GTF3C1: variants seen among roughly 807,000 people sequenced by gnomAD.
GTF3C1 encodes the protein general transcription factor IIIC subunit 1, also known as general transcription factor 3C polypeptide 1.
GTF3C1 carries 57 observed loss-of-function variants against 226.7 expected under a neutral mutation model. The ratio of observed to expected loss-of-function variants is 0.25; its 90% confidence interval spans 0.20 to 0.31. GTF3C1 has a LOEUF of 0.31. Among genes scored for constraint, GTF3C1 ranks in the 10% least tolerant of loss-of-function variants. GTF3C1 has a pLI of 1.00. For synonymous variants in GTF3C1, 1,090 were observed against 1,084.8 expected (o/e 1.00, Z -0.09); for missense variants, 2,217 against 2,776.1 (o/e 0.80, Z 4.53).
chr16:27,482,364 T>G, intron 26 of GTF3C1: 2 of 413,074 alleles, frequency 4.8e-6, no homozygotes, highest in Non-Finnish European at 9.8e-6. Flanking sequence ...AGCTGTATAC[T>G]CTCATTAGGT....
At chr16:27,531,065 C>T (rs1344838626) in intron 5 of GTF3C1, among the ~76,000 whole-genome samples, 1 of 152,186 alleles carries the variant, frequency 6.6e-6, no homozygotes, top group African/African-American at 2.4e-5. Context: ...CTGCAACCTC[C>T]ACCTCCCAGG....
At position 27,485,980 on chromosome 16, in the gene GTF3C1, G is replaced by A; in HGVS notation, c.3858+17C>T. The A allele has an allele frequency of 6.4e-7, 1 of 1,572,500 alleles. No individual in the cohort carries two copies. Among genetic ancestry groups the A allele is most frequent in the Middle Eastern group, 1.7e-4 (1 of 5,852 alleles). ...GAGTGAGGGGCAGGCCCACCGCTGG[G>A]CTGGGCTGGTTGGTACCTTGGTGTT... On this transcript the variant is annotated intron_variant, in intron 24 of 36. Transcript: ENST00000356183.
intron 6 of GTF3C1, among the ~76,000 whole-genome samples, chr16:27,513,086 T>C (rs560112017): frequency 6.5e-4 from 99 of 152,330 alleles, no homozygotes; most frequent in African/African-American, 2.2e-3. Context: ...TGAGGGTCAC[T>C]GTTGCCAGGG....
Position 27,511,463 on chromosome 16 carries a change from T to C in GTF3C1, c.1126+286A>G, listed in dbSNP as rs532657734. Among the ~76,000 whole-genome samples the C allele has an allele frequency of 1.2e-4, 18 of 152,328 alleles. No individual in the cohort carries two copies. In the South Asian group the frequency reaches 3.7e-3, roughly 32 times the overall value. ...TAATAAGCTCCCTCTTATATATCTATGTTTATTTTTCCTACTGATTCTGTG... is the reference window on the plus strand; with the variant it reads ...TAATAAGCTCCCTCTTATATATCTACGTTTATTTTTCCTACTGATTCTGTG... On this transcript the variant is annotated intron_variant, in intron 7 of 36. Transcript: ENST00000356183.
rs1293558628 is a variant in GTF3C1, at chr16:27,471,723, C to T, written c.4526+25G>A. The T allele has an allele frequency of 1.3e-6, 2 of 1,593,248 alleles. No individual in the cohort carries two copies. The highest frequency in any genetic ancestry group is 1.3e-5 in the African/African-American group (1 of 74,550). ...CAGGGCGTGGCTCCACCTCGGAGTA[C>T]CCAAGGCTCCTGACAGGTACTCACC... is the stretch of plus-strand genomic sequence containing the variant. On this transcript the variant is annotated intron_variant, in intron 30 of 36. Coordinates refer to ENST00000356183, the MANE Select transcript of GTF3C1 (RefSeq NM_001520.4). This position sits in a 1 kb window ranked among gnomAD's most constrained non-coding sequence, Gnocchi z 5.0.
rs117912066 is a variant in GTF3C1 at position 27,468,099 on chromosome 16, C to T, written c.5074+1192G>A. ...GATGACTTTGAGGGGTTCAAGTCTT[C>T]AGCGGAGAAAGTAACTGCAGATGCC... On this transcript the variant is annotated intron_variant, in intron 32 of 36. Coordinates refer to ENST00000356183, the MANE Select transcript of GTF3C1 (RefSeq NM_001520.4). 9.7e-3 allele frequency among the ~76,000 whole-genome samples: 1,473 copies of T among 152,156 alleles called. 16 individuals are homozygous for T. The highest frequency in any genetic ancestry group is 0.015 in the Non-Finnish European group (998 of 68,008).
At chr16:27,503,557 G>A (rs987285113) in intron 10 of GTF3C1, among the ~76,000 whole-genome samples, 1 of 152,208 alleles carries the variant, frequency 6.6e-6, no homozygotes, top group Admixed American at 6.5e-5. Context: ...ATGAGGTAGA[G>A]CGGGGCTCTT....
intron 10 of GTF3C1, among the ~76,000 whole-genome samples, chr16:27,503,953 G>A (rs773057376): frequency 8.5e-5 from 13 of 152,124 alleles, no homozygotes; most frequent in African/African-American, 1.7e-4. Context: ...TGGGAGCTCC[G>A]GGCAAGACAC....
intron 7 of GTF3C1, among the ~76,000 whole-genome samples, chr16:27,509,478 C>A (rs543973093): frequency 6.6e-6 from 1 of 152,150 alleles, no homozygotes; most frequent in East Asian, 1.9e-4. Flanking sequence ...TTCCTCTTGG[C>A]CGGGTGCAGT....
Position 27,469,512 on chromosome 16 carries a change from T to A in GTF3C1, c.4853A>T (p.Glu1618Val). Residue 1618 changes from glutamate to valine, a missense_variant, in exon 32 of 37, where the codon GAA becomes GTA. By Grantham distance (121) the Glu-to-Val change is moderately radical. Around this residue, in one of 12 missense-constraint regions of GTF3C1, gnomAD observed 546 missense variants for 663.0 expected, o/e 0.82. Transcript: ENST00000356183. The surrounding 1 kb of genome is among the most constrained non-coding windows in gnomAD (Gnocchi z 4.5). Reference protein sequence around the residue: ...KDGSLEDDEDEEDDLDEGVGG... With the variant: ...KDGSLEDDEDVEDDLDEGVGG... ...TACACCTTCGTCCAAGTCATCCTCTTCATCCTCGTCATCCTCCAGGCTGCC... is the reference window on the plus strand; with the variant it reads ...TACACCTTCGTCCAAGTCATCCTCTACATCCTCGTCATCCTCCAGGCTGCC... The A allele has an allele frequency of 6.2e-7, 1 of 1,612,954 alleles. No individual in the cohort carries two copies. Among genetic ancestry groups the A allele is most frequent in the East Asian group, 2.2e-5 (1 of 44,836 alleles).
rs1326686688 is a variant in GTF3C1, at chr16:27,516,632, C to T, written c.974-4731G>A. ...ACACATTTTCCTTTCCCCATGCCATCACATATATACATATATATTTTTCTT... is the reference window on the plus strand; with the variant it reads ...ACACATTTTCCTTTCCCCATGCCATTACATATATACATATATATTTTTCTT... On this transcript the variant is annotated intron_variant, in intron 6 of 36. Transcript: ENST00000356183. 5.9e-5 allele frequency among the ~76,000 whole-genome samples: 9 copies of T among 152,186 alleles called. No homozygotes were observed. In the East Asian group the frequency reaches 1.7e-3, roughly 29 times the overall value.
At chr16:27,483,274 A>G in intron 25 of GTF3C1, 149 bp from the exon 26 acceptor site, 1 of 761,720 alleles carries the variant, frequency 1.3e-6, no homozygotes, top group South Asian at 1.5e-5. Context: ...TGCAGCTTTT[A>G]CGAATGAAGG....
chr16:27,499,379 G>A lies in GTF3C1; in HGVS notation c.2062-646C>T, dbSNP rs2088370798. On this transcript the variant is annotated intron_variant, in intron 12 of 36. Transcript: ENST00000356183. ...GCCCAGCAGGGAGAGGTGGAGTGGG[G>A]CAGGGTGTGTGTGAGCACACCAGCC... Among the ~76,000 whole-genome samples the A allele has an allele frequency of 2.0e-5, 3 of 152,204 alleles. No homozygotes were observed. The South Asian group carries it at 6.2e-4, about 32-fold the overall frequency.
chr16:27,490,027 A>G (rs1196449646), intron 19 of GTF3C1, among the ~76,000 whole-genome samples: 2 of 152,226 alleles, frequency 1.3e-5, no homozygotes, highest in Non-Finnish European at 2.9e-5. Flanking sequence ...GGCAGTCGAG[A>G]GAGCCCGGCA....
At chr16:27,478,183 A>G (rs2087982108) in intron 28 of GTF3C1, among the ~76,000 whole-genome samples, 1 of 151,910 alleles carries the variant, frequency 6.6e-6, no homozygotes, top group African/African-American at 2.4e-5. Flanking sequence ...AAGAAAAAAA[A>G]AAGGAAAGAA....
Position 27,501,197 on chromosome 16 carries a change from C to A in GTF3C1, c.2055G>T (p.Lys685Asn). The change falls in exon 12 of 37, where the codon AAG becomes AAT. Residue 685 changes from lysine to asparagine, a missense_variant. By Grantham distance (94) the Lys-to-Asn change is moderately conservative (BLOSUM62 0). This residue lies in a region of GTF3C1 where 52 missense variants were observed against 110.8 expected (regional missense o/e 0.47). Coordinates refer to ENST00000356183, the MANE Select transcript of GTF3C1 (RefSeq NM_001520.4). ...CGGGGGAGGCCCTGGTTACCTTCTT[C>A]TTGATGCCATCTTGAATGACAGTGG... ...YRTTVIQDGI[K>N]KKVDLVVHPS... 2 of 1,611,688 alleles carry A rather than the reference C, an allele frequency of 1.2e-6. No individual in the cohort carries two copies. The highest frequency in any genetic ancestry group is 1.7e-6 in the Non-Finnish European group (2 of 1,177,942).
rs377132257 is a variant in GTF3C1, at chr16:27,501,312, T to C, written c.1940A>G (p.Gln647Arg). ...IQKMIMDQEK[Q>R]EGVSTKCCKK... The stretch of plus-strand genomic sequence containing the variant: ...GCAGCACTTGGTGGACACGCCTTCC[T>C]GCTTCTCCTGATCCATGATCATCTT... Residue 647 changes from glutamine to arginine, a missense_variant, in exon 12 of 37, where the codon CAG becomes CGG. Gln to Arg is a conservative substitution (Grantham distance 43, BLOSUM62 1). This residue lies in a region of GTF3C1 where 52 missense variants were observed against 110.8 expected (regional missense o/e 0.47). Transcript: ENST00000356183. The C allele has an allele frequency of 5.0e-6, 8 of 1,614,052 alleles. No individual in the cohort carries two copies. The highest frequency in any genetic ancestry group is 4.0e-5 in the African/African-American group (3 of 74,926).
Position 27,470,567 on chromosome 16 carries a change from C to T in GTF3C1, c.4527-172G>A, listed in dbSNP as rs942776102. 6.1e-5 allele frequency: 37 copies of T among 611,468 alleles called. No homozygotes were observed. The highest frequency in any genetic ancestry group is 4.6e-4 in the African/African-American group (25 of 54,078). The allele number at this position is 611,468 out of a possible 1,614,324, so 37.9% of individuals were successfully genotyped here. On this transcript the variant is annotated intron_variant, in intron 30 of 36. Transcript: ENST00000356183. This position sits in a 1 kb window ranked among gnomAD's most constrained non-coding sequence, Gnocchi z 4.9. ...ATGAAGGTGCTGCATTCCCACCTAG[C>T]GGTGTTTGTGTCTCTCTTCCCCGCT... is the stretch of plus-strand genomic sequence containing the variant.
intron 20 of GTF3C1, 130 bp from the exon 21 acceptor site, chr16:27,489,308 G>C (rs1207091829): frequency 7.9e-6 from 8 of 1,007,642 alleles, no homozygotes; most frequent in Non-Finnish European, 1.2e-5. Context: ...CCCACAGGTA[G>C]CAATGAAGAA....
Sources: gnomAD v4.1 joint callset for allele counts (sites outside exome capture counted in the v4.1 genomes callset) on GRCh38, gnomAD v4.1.1 for gene constraint, gnomAD v4.1.1 regional missense constraint, Gnocchi (gnomAD v3.1) non-coding constraint, MANE v1.5 for transcripts, NCBI Gene and HGNC (gene_info 2026-07-23, HGNC 2026-07-21) for gene names.